ADGRA3: variants seen among roughly 807,000 people sequenced by gnomAD.
ADGRA3 encodes G-protein coupled receptor 125.
A neutral mutation model predicts 119.8 loss-of-function variants in ADGRA3; 56 were observed. The ratio of observed to expected loss-of-function variants is 0.47; its 90% confidence interval spans 0.38 to 0.58. The LOEUF is 0.58. ADGRA3 is among the 20% of genes least tolerant of loss of function. The pLI, the probability that ADGRA3 is intolerant of heterozygous loss-of-function variation, is 0.00. For missense variants in ADGRA3, 1,516 were observed against 1,649.0 expected, an observed-to-expected ratio of 0.92 and a Z score of 1.40; for synonymous variants, 607 against 623.8, an observed-to-expected ratio of 0.97 and a Z score of 0.40.
At position 22,402,680 on chromosome 4, in the gene ADGRA3, A is replaced by ATGGT; in HGVS notation, c.2348_2351dup (p.His784GlnfsTer7). On this transcript the variant is annotated frameshift_variant, in exon 15 of 19. Coordinates refer to ENST00000334304, the MANE Select transcript of ADGRA3 (RefSeq NM_145290.4). LOFTEE classifies it high-confidence loss of function. ...TGTCGAGATGTATTTCTTACCTGTGATGGTATATGTAACTGACAATGACGG... is the reference window on the plus strand; with the variant it reads ...TGTCGAGATGTATTTCTTACCTGTGATGGTTGGTATATGTAACTGACAATGACGG... 6.2e-7 allele frequency: 1 copy of ATGGT among 1,612,502 alleles called. No individual in the cohort carries two copies. Among genetic ancestry groups the ATGGT allele is most frequent in the Non-Finnish European group, 8.5e-7 (1 of 1,179,454 alleles).
intron 10 of ADGRA3, among the ~76,000 whole-genome samples, chr4:22,431,502 C>G (rs1032893537): frequency 2.0e-5 from 3 of 152,198 alleles, no homozygotes; most frequent in Admixed American, 6.5e-5. Context: ...TAAGATTTGA[C>G]TGCTCCGCTG....
intron 4 of ADGRA3, among the ~76,000 whole-genome samples, chr4:22,453,850 C>CTT (rs987498340): frequency 6.7e-6 from 1 of 149,636 alleles, no homozygotes. Context: ...TTCTTTATTA[C>CTT]TTTTTTTTTT....
At chr4:22,483,977 C>A (rs2109137857) in intron 1 of ADGRA3, among the ~76,000 whole-genome samples, 1 of 109,626 alleles carries the variant, frequency 9.1e-6, no homozygotes, top group African/African-American at 2.8e-5. Context: ...TCCAATGATG[C>A]ATGATTACAT....
chr4:22,391,026 A>T (rs752119420), intron 17 of ADGRA3, among the ~76,000 whole-genome samples: 7 of 151,912 alleles, frequency 4.6e-5, no homozygotes, highest in African/African-American at 7.3e-5. Flanking sequence ...CAAATCATCC[A>T]TGTTCTCGGG....
chr4:22,477,222 C>T (rs1718081359), intron 1 of ADGRA3, among the ~76,000 whole-genome samples: 1 of 152,058 alleles, frequency 6.6e-6, no homozygotes, highest in African/African-American at 2.4e-5. Flanking sequence ...TTAGAAACTT[C>T]ACAGGCACTA....
At chr4:22,489,694 TGTG>T (rs935007645) in intron 1 of ADGRA3, among the ~76,000 whole-genome samples, 3 of 152,106 alleles carry the variant, frequency 2.0e-5, no homozygotes, top group Non-Finnish European at 4.4e-5. Context: ...CATGAAAACT[TGTG>T]GGTATTTCCA....
intron 2 of ADGRA3, among the ~76,000 whole-genome samples, chr4:22,469,472 T>C (rs1336007075): frequency 6.6e-6 from 1 of 152,172 alleles, no homozygotes; most frequent in Non-Finnish European, 1.5e-5. Context: ...CCACACCCAC[T>C]TCTTCCCACA....
At chr4:22,399,743 G>A (rs1041357872) in intron 16 of ADGRA3, among the ~76,000 whole-genome samples, 1 of 152,026 alleles carries the variant, frequency 6.6e-6, no homozygotes, top group African/African-American at 2.4e-5. Flanking sequence ...CATAAACCCT[G>A]ATGACTAGAA....
rs1405141146 is a variant in ADGRA3 at position 22,429,976 on chromosome 4, T to C, written c.1443+5335A>G. Among the ~76,000 whole-genome samples, 5 of 152,120 alleles carry C rather than the reference T, an allele frequency of 3.3e-5. No individual in the cohort carries two copies. In the East Asian group the frequency reaches 9.7e-4, roughly 29 times the overall value. On this transcript the variant is annotated intron_variant, in intron 10 of 18. Coordinates refer to ENST00000334304, the MANE Select transcript of ADGRA3 (RefSeq NM_145290.4). Reference sequence around the variant, plus strand: ...ATAATTGAATCATGGGGGCAGGTCTTTGTCATGCTGTTTTTGTGATAGTAA... The same window carrying C: ...ATAATTGAATCATGGGGGCAGGTCTCTGTCATGCTGTTTTTGTGATAGTAA...
rs1242818861 is a variant in ADGRA3 at position 22,503,529 on chromosome 4, T to C, written c.257+11999A>G. Among the ~76,000 whole-genome samples the C allele has an allele frequency of 4.6e-5, 7 of 152,200 alleles. No homozygotes were observed. In the South Asian group the frequency reaches 6.2e-4, roughly 13 times the overall value. On this transcript the variant is annotated intron_variant, in intron 1 of 18. Coordinates refer to ENST00000334304, the MANE Select transcript of ADGRA3 (RefSeq NM_145290.4). ...ATACTTGCTCTTTCTTTCAATTAAC[T>C]AGAAGGAGGCACAACCTGCTTTCTA...
At chr4:22,432,241 A>T (rs1716206757) in intron 10 of ADGRA3, among the ~76,000 whole-genome samples, 1 of 152,142 alleles carries the variant, frequency 6.6e-6, no homozygotes, top group Non-Finnish European at 1.5e-5. Flanking sequence ...ACTGACTAGA[A>T]ATTCAAATTC....
chr4:22,401,262 A>G (rs1390452323), intron 16 of ADGRA3, among the ~76,000 whole-genome samples, 169 bp downstream of exon 16: 1 of 152,222 alleles, frequency 6.6e-6, no homozygotes, highest in African/African-American at 2.4e-5. Context: ...GCAAAATGGT[A>G]ATTTAAAACA....
chr4:22,453,218 G>A (rs28565474), intron 4 of ADGRA3, among the ~76,000 whole-genome samples: 126,385 of 139,330 alleles, frequency 0.91, 57,565 homozygotes, highest in Non-Finnish European at 0.93. Context: ...AAAAAAAAAA[G>A]AAAGAAAAAG....
At chr4:22,482,330 G>A (rs1420123591) in intron 1 of ADGRA3, among the ~76,000 whole-genome samples, 1 of 152,076 alleles carries the variant, frequency 6.6e-6, no homozygotes, top group Non-Finnish European at 1.5e-5. Flanking sequence ...ATCATATTGT[G>A]CAGTGAATAT....
Position 22,476,962 on chromosome 4 carries a change from T to C in ADGRA3, c.258-3119A>G, listed in dbSNP as rs1718070971. On this transcript the variant is annotated intron_variant, in intron 1 of 18. Transcript: ENST00000334304. The stretch of plus-strand genomic sequence containing the variant: ...GTTTACAGGTGTGAGACACCACACC[T>C]GGCCAATTTATCTTTTATTCTTTAT... Among the ~76,000 whole-genome samples the C allele has an allele frequency of 2.0e-5, 3 of 151,784 alleles. No homozygotes were observed. In the South Asian group the frequency reaches 6.3e-4, roughly 32 times the overall value.
At chr4:22,423,082 G>A (rs1715776531) in intron 11 of ADGRA3, among the ~76,000 whole-genome samples, 1 of 152,014 alleles carries the variant, frequency 6.6e-6, no homozygotes, top group African/African-American at 2.4e-5. Flanking sequence ...TATAATCCCA[G>A]CTACTTAGGA....
intron 4 of ADGRA3, among the ~76,000 whole-genome samples, chr4:22,450,774 A>G (rs1440262435): frequency 6.6e-6 from 1 of 152,038 alleles, no homozygotes; most frequent in Non-Finnish European, 1.5e-5. Context: ...AATCTGTTCT[A>G]TAACTAGAAT....
intron 4 of ADGRA3, among the ~76,000 whole-genome samples, chr4:22,449,783 G>A (rs4583743): frequency 0.71 from 107,617 of 151,458 alleles, 41,036 homozygotes; most frequent in Non-Finnish European, 0.85. Context: ...CTAAGCGGAG[G>A]TGACAGTGAA....
At chr4:22,498,203 T>C (rs1718911531) in intron 1 of ADGRA3, among the ~76,000 whole-genome samples, 1 of 151,418 alleles carries the variant, frequency 6.6e-6, no homozygotes, top group African/African-American at 2.4e-5. Flanking sequence ...GCCGAGATCA[T>C]GCCATTGCAC....
Sources: gnomAD v4.1 joint callset for allele counts (sites outside exome capture counted in the v4.1 genomes callset) on GRCh38, gnomAD v4.1.1 for gene constraint, MANE v1.5 for transcripts, NCBI Gene and HGNC (gene_info 2026-07-23, HGNC 2026-07-21) for gene names.